MYO16: variants seen among roughly 807,000 people sequenced by gnomAD.
MYO16 encodes myosin XVI.
In MYO16, 94 loss-of-function variants were observed where a neutral mutation model predicts 205.3. The ratio of observed to expected loss-of-function variants is 0.46; its 90% confidence interval spans 0.39 to 0.54. MYO16 has a LOEUF of 0.54. Ranked by LOEUF, MYO16 falls within the 20% of genes least tolerant of loss-of-function variation. The probability of loss-of-function intolerance (pLI) is 0.00; values close to 1 mark genes in which losing one functional copy is unlikely to be tolerated. For missense variants in MYO16, 2,315 were observed against 2,387.5 expected, an observed-to-expected ratio of 0.97 and a Z score of 0.63; for synonymous variants, 988 against 954.0, an observed-to-expected ratio of 1.04 and a Z score of -0.66.
intron 1 of MYO16, among the ~76,000 whole-genome samples, chr13:108,653,847 A>T (rs1881122218): frequency 6.6e-6 from 1 of 151,984 alleles, no homozygotes; most frequent in Admixed American, 6.6e-5. Flanking sequence ...CTAGAAGCAG[A>T]GAATGAAGAG....
the MYO16 span, among the ~76,000 whole-genome samples, chr13:108,565,234 G>A: frequency 5.5e-4 from 84 of 152,126 alleles, no homozygotes; most frequent in South Asian, 1.5e-3. Context: ...TTGGTATTTT[G>A]ACAAATATTA....
intron 33 of MYO16, among the ~76,000 whole-genome samples, chr13:109,178,681 C>T (rs1385321932): frequency 6.6e-6 from 1 of 152,090 alleles, no homozygotes; most frequent in Non-Finnish European, 1.5e-5. Flanking sequence ...ATTCTCAGCC[C>T]GTGTAGGAGG....
At chr13:108,828,571 G>A (rs1876414188) in intron 9 of MYO16, among the ~76,000 whole-genome samples, 1 of 152,144 alleles carries the variant, frequency 6.6e-6, no homozygotes, top group Non-Finnish European at 1.5e-5. Flanking sequence ...TTACTCATGA[G>A]CCCTTTGGAT....
intron 32 of MYO16, among the ~76,000 whole-genome samples, chr13:109,153,872 G>A (rs1877827995): frequency 6.6e-6 from 1 of 152,198 alleles, no homozygotes; most frequent in South Asian, 2.1e-4. Flanking sequence ...GTCTTCCTGT[G>A]GTCCCTGGTG....
At chr13:108,604,242 T>A (rs7323555) in intron 1 of MYO16, among the ~76,000 whole-genome samples, 38,771 of 151,892 alleles carry the variant, frequency 0.26, 5,074 homozygotes, top group Middle Eastern at 0.32. Context: ...TGGGTAGGGA[T>A]ACAGAGCCAG....
At chr13:108,769,346 A>G (rs1885886239) in intron 4 of MYO16, among the ~76,000 whole-genome samples, 1 of 152,114 alleles carries the variant, frequency 6.6e-6, no homozygotes, top group Admixed American at 6.5e-5. Context: ...GAGGGACAGG[A>G]GAAGATCTGT....
At chr13:108,767,568 A>G (rs1036218154) in intron 4 of MYO16, among the ~76,000 whole-genome samples, 2 of 152,182 alleles carry the variant, frequency 1.3e-5, no homozygotes, top group African/African-American at 2.4e-5. Flanking sequence ...GGGTCTCAGT[A>G]TTCTGGGAAT....
Position 108,609,318 on chromosome 13 carries a change from C to T in MYO16, c.-39+13079C>T, listed in dbSNP as rs76297631. Among the ~76,000 whole-genome samples the T allele has an allele frequency of 6.0e-3, 918 of 152,228 alleles. 13 individuals are homozygous for T. The highest frequency in any genetic ancestry group is 0.021 in the African/African-American group (878 of 41,534). On this transcript the variant is annotated intron_variant, in intron 1 of 24. Transcript: ENST00000251041. ...ATGGGTGCAAAGACAAAGGGGGCTT[C>T]GGAAAAAGGGAAGACAGTGGGAGTG... is the stretch of plus-strand genomic sequence containing the variant.
At position 108,901,228 on chromosome 13, in the gene MYO16, A is replaced by G. The variant is rs1267592618; in HGVS notation, c.1777+3095A>G. Reference sequence around the variant, plus strand: ...GCCTCCATTTACCTTGTGATATTTTATTACCTTGTGAAACATGTGATTTCT... The same window carrying G: ...GCCTCCATTTACCTTGTGATATTTTGTTACCTTGTGAAACATGTGATTTCT... On this transcript the variant is annotated intron_variant, in intron 15 of 34. Coordinates refer to ENST00000457511, the MANE Select transcript of MYO16 (RefSeq NM_001198950.3). Among the ~76,000 whole-genome samples the G allele has an allele frequency of 2.0e-5, 3 of 152,036 alleles. No individual in the cohort carries two copies. The East Asian group carries it at 5.8e-4, about 29-fold the overall frequency.
intron 2 of MYO16, among the ~76,000 whole-genome samples, chr13:108,672,631 T>C (rs1882039932): frequency 6.6e-6 from 1 of 152,188 alleles, no homozygotes; most frequent in South Asian, 2.1e-4. Flanking sequence ...ATTTGTCATT[T>C]TAATATGCTG....
chr13:109,070,930 G>C (rs770067576), intron 27 of MYO16, among the ~76,000 whole-genome samples: 45 of 152,092 alleles, frequency 3.0e-4, no homozygotes, highest in Non-Finnish European at 6.0e-4. Flanking sequence ...AATTCAGTTA[G>C]AGCTGACCCA....
chr13:108,974,425 T>G (rs1442493424), intron 20 of MYO16, among the ~76,000 whole-genome samples: 5 of 152,078 alleles, frequency 3.3e-5, no homozygotes, highest in African/African-American at 7.2e-5. Context: ...AAATACAGTT[T>G]TCCATATAAC....
At chr13:108,952,762 C>G (rs1883204724) in intron 16 of MYO16, among the ~76,000 whole-genome samples, 2 of 152,128 alleles carry the variant, frequency 1.3e-5, no homozygotes, top group South Asian at 4.1e-4. Context: ...ATGGAGATAT[C>G]TAGATACTGC....
At chr13:108,540,764 TC>T in the MYO16 span, among the ~76,000 whole-genome samples, 1 of 152,128 alleles carries the variant, frequency 6.6e-6, no homozygotes, top group Non-Finnish European at 1.5e-5. Flanking sequence ...AGAGCCACTC[TC>T]ACAAGGCACA....
At chr13:108,815,551 G>C (rs572574931) in intron 7 of MYO16, among the ~76,000 whole-genome samples, 76 of 152,306 alleles carry the variant, frequency 5.0e-4, no homozygotes, top group African/African-American at 1.7e-3. Flanking sequence ...GGAGAAGCCA[G>C]AAACAAATTC....
chr13:108,751,781 A>G (rs1825633975), intron 4 of MYO16, among the ~76,000 whole-genome samples: 1 of 152,216 alleles, frequency 6.6e-6, no homozygotes, highest in Admixed American at 6.5e-5. Context: ...ACTGTAAGAA[A>G]GTGTCATGAA....
chr13:109,042,916 G>C (rs1350091346), intron 23 of MYO16, among the ~76,000 whole-genome samples: 1 of 152,200 alleles, frequency 6.6e-6, no homozygotes, highest in East Asian at 1.9e-4. Flanking sequence ...ATCAGCAAAT[G>C]TTTGTCGTTG....
intron 12 of MYO16, among the ~76,000 whole-genome samples, chr13:108,875,894 A>G (rs1039206458): frequency 6.0e-4 from 92 of 152,240 alleles, no homozygotes; most frequent in African/African-American, 2.2e-3. Context: ...AAACGAAAAA[A>G]TGTTAGAGAA....
intron 4 of MYO16, among the ~76,000 whole-genome samples, chr13:108,728,517 G>C (rs1884417625): frequency 6.6e-6 from 1 of 152,148 alleles, no homozygotes; most frequent in Admixed American, 6.5e-5. Flanking sequence ...ACAGGGCCGT[G>C]CTCCCCCTGT....
Sources: allele counts gnomAD v4.1 joint callset (sites outside exome capture counted in the v4.1 genomes callset), GRCh38; gene constraint gnomAD v4.1.1; transcripts MANE v1.5; gene names NCBI Gene and HGNC (gene_info 2026-07-23, HGNC 2026-07-21).